Variants in TGFBR3 observed in about 807,000 individuals in gnomAD.
TGFBR3 encodes transforming growth factor beta receptor 3.
TGFBR3 carries 46 observed loss-of-function variants against 87.9 expected under a neutral mutation model. That is an observed-to-expected ratio of 0.52 (90% confidence interval 0.41 to 0.67). The LOEUF is 0.67. Ranked by LOEUF, TGFBR3 falls within the 30% of genes least tolerant of loss-of-function variation. The pLI is 0.00. For missense variants in TGFBR3, 866 were observed against 1,041.9 expected (o/e 0.83, Z 2.32); for synonymous variants, 381 against 391.6 (o/e 0.97, Z 0.32).
At chr1:91,769,221 A>C (rs563084834) in intron 3 of TGFBR3, among the ~76,000 whole-genome samples, 28 of 152,292 alleles carry the variant, frequency 1.8e-4, no homozygotes, top group African/African-American at 6.3e-4. Context: ...GCACTCTCTA[A>C]GTGTTAGCTA....
chr1:91,865,320 A>G (rs963105028), intron 1 of TGFBR3, among the ~76,000 whole-genome samples: 8 of 151,996 alleles, frequency 5.3e-5, no homozygotes, highest in African/African-American at 1.9e-4. Context: ...AAAAAAAAAA[A>G]AAGTAGAAAT....
At chr1:91,867,081 A>G (rs577721753) in intron 1 of TGFBR3, among the ~76,000 whole-genome samples, 2 of 152,340 alleles carry the variant, frequency 1.3e-5, no homozygotes, top group African/African-American at 4.8e-5. Flanking sequence ...GACAAAACTT[A>G]GCTACATCAC....
intron 2 of TGFBR3, among the ~76,000 whole-genome samples, chr1:91,800,278 AC>A (rs1675559987): frequency 1.5e-5 from 2 of 134,620 alleles, no homozygotes; most frequent in Admixed American, 1.5e-4. Flanking sequence ...ACACACACAC[AC>A]TCACGCATAT....
intron 2 of TGFBR3, among the ~76,000 whole-genome samples, chr1:91,827,527 C>T (rs777069850): frequency 1.3e-5 from 2 of 152,114 alleles, no homozygotes; most frequent in Non-Finnish European, 2.9e-5. Context: ...ACTTCCTTTC[C>T]GTGATGTGAC....
rs755139754 is a variant in TGFBR3 at position 91,682,188 on chromosome 1, G to C, written c.*1551C>G. On this transcript the variant is annotated 3_prime_UTR_variant, in exon 17 of 17. Coordinates refer to ENST00000212355, the MANE Select transcript of TGFBR3 (RefSeq NM_003243.5). Reference sequence around the variant, plus strand: ...GCCCTAAGGTTTTAAGCTTCATCAGGATTACCTACTGAGGTTCCATTCACA... The same window carrying C: ...GCCCTAAGGTTTTAAGCTTCATCAGCATTACCTACTGAGGTTCCATTCACA... 5.9e-5 allele frequency: 27 copies of C among 453,956 alleles called. No individual in the cohort carries two copies. Among genetic ancestry groups the C allele is most frequent in the South Asian group, 4.0e-4 (26 of 64,462 alleles). The allele number at this position is 453,956 out of a possible 1,614,324, so 28.1% of individuals were successfully genotyped here.
At chr1:91,862,347 T>C (rs1557750590) in intron 1 of TGFBR3, among the ~76,000 whole-genome samples, 1 of 152,164 alleles carries the variant, frequency 6.6e-6, no homozygotes, top group Admixed American at 6.5e-5. Context: ...TCTAATGTTA[T>C]AATAACAGGG....
chr1:91,878,152 A>G (rs749399241), intron 1 of TGFBR3, among the ~76,000 whole-genome samples: 5 of 152,300 alleles, frequency 3.3e-5, no homozygotes, highest in Non-Finnish European at 4.4e-5. Context: ...TTAAAGAAAA[A>G]ACCATAAAAG....
chr1:91,810,432 T>C (rs1435836618), intron 2 of TGFBR3, among the ~76,000 whole-genome samples: 1 of 152,226 alleles, frequency 6.6e-6, no homozygotes, highest in Non-Finnish European at 1.5e-5. Context: ...TACTCCTTTA[T>C]AGCAAATATA....
At chr1:91,724,236 A>G (rs1672472960) in intron 7 of TGFBR3, among the ~76,000 whole-genome samples, 1 of 152,334 alleles carries the variant, frequency 6.6e-6, no homozygotes, top group South Asian at 2.1e-4. Flanking sequence ...GGAAAGAAAC[A>G]AAGAGGAAGG....
At chr1:91,904,424 T>TC in intron 1 of TGFBR3, among the ~76,000 whole-genome samples, 1 of 151,764 alleles carries the variant, frequency 6.6e-6, no homozygotes, top group African/African-American at 2.4e-5. Context: ...TTTTTTTTTT[T>TC]CTTGCTCTGT....
intron 3 of TGFBR3, among the ~76,000 whole-genome samples, chr1:91,760,073 T>C (rs180914639): frequency 2.7e-4 from 41 of 152,348 alleles, no homozygotes; most frequent in Admixed American, 2.3e-3. Context: ...TAGCACATGG[T>C]AAGCACTCAG....
chr1:91,786,008 C>T (rs1043864809), intron 3 of TGFBR3, among the ~76,000 whole-genome samples: 7 of 152,118 alleles, frequency 4.6e-5, no homozygotes, highest in African/African-American at 1.7e-4. Flanking sequence ...AAGCGATCTG[C>T]CCGCCTCAGC....
intron 2 of TGFBR3, among the ~76,000 whole-genome samples, chr1:91,852,235 G>A (rs374984021): frequency 3.3e-5 from 5 of 151,944 alleles, no homozygotes; most frequent in South Asian, 4.2e-4. Flanking sequence ...AACAGAGTGA[G>A]ACCCTGTCTC....
At chr1:91,881,347 T>A (rs1679068216) in intron 1 of TGFBR3, among the ~76,000 whole-genome samples, 1 of 152,190 alleles carries the variant, frequency 6.6e-6, no homozygotes, top group African/African-American at 2.4e-5. Flanking sequence ...CAAGTTTGCA[T>A]GCAAGAGAGA....
chr1:91,776,332 G>A (rs1325279716), intron 3 of TGFBR3, among the ~76,000 whole-genome samples: 2 of 152,202 alleles, frequency 1.3e-5, no homozygotes, highest in Non-Finnish European at 2.9e-5. Context: ...ATTACAAACA[G>A]GTGCTTAATA....
Position 91,759,383 on chromosome 1 carries a change from C to CAAAAA in TGFBR3, c.247-638_247-634dup, listed in dbSNP as rs35600646. ...AAGAGTGATTGTATACAGCCCCTGT[C>CAAAAA]AAAAAAAAAAAAAAAAAAAAAACAG... On this transcript the variant is annotated intron_variant, in intron 3 of 16. Transcript: ENST00000212355. 2.4e-3 allele frequency among the ~76,000 whole-genome samples: 201 copies of CAAAAA among 84,696 alleles called. 1 individual carries two copies. Among genetic ancestry groups the CAAAAA allele is most frequent in the African/African-American group, 9.2e-3 (182 of 19,830 alleles). 55.6% of individuals were successfully genotyped at this position (84,696 alleles called of 152,430 possible).
chr1:91,824,875 G>T (rs184770005), intron 2 of TGFBR3, among the ~76,000 whole-genome samples: 3 of 152,144 alleles, frequency 2.0e-5, no homozygotes, highest in Non-Finnish European at 4.4e-5. Flanking sequence ...TAGGAGAATC[G>T]CTTGAACATG....
At chr1:91,821,282 A>G (rs1256915387) in intron 2 of TGFBR3, among the ~76,000 whole-genome samples, 2 of 148,908 alleles carry the variant, frequency 1.3e-5, no homozygotes, top group East Asian at 4.0e-4. Context: ...GTGAGCCGAG[A>G]TCATGCCACT....
intron 7 of TGFBR3, among the ~76,000 whole-genome samples, chr1:91,724,760 G>A (rs1197159201): frequency 6.6e-6 from 1 of 152,070 alleles, no homozygotes; most frequent in Non-Finnish European, 1.5e-5. Context: ...GGTGTACAAG[G>A]AGGTCTCCAA....
Sources: allele counts gnomAD v4.1 joint callset (sites outside exome capture counted in the v4.1 genomes callset), GRCh38; gene constraint gnomAD v4.1.1; transcripts MANE v1.5; gene names NCBI Gene and HGNC (gene_info 2026-07-23, HGNC 2026-07-21).